The following ST6GALNAC3 variants were observed in gnomAD, a reference collection of about 807,000 sequenced individuals.
The protein encoded by ST6GALNAC3 is alpha-N-acetylgalactosaminide alpha-2,6-sialyltransferase 3.
In ST6GALNAC3, 25 loss-of-function variants were observed where a neutral mutation model predicts 32.7. The ratio of observed to expected loss-of-function variants is 0.76; its 90% CI spans 0.56 to 1.07. ST6GALNAC3 has a LOEUF of 1.07. ST6GALNAC3 is among the 50% of genes least tolerant of loss of function. The pLI, the probability that ST6GALNAC3 is intolerant of heterozygous loss-of-function variation, is 0.00. For synonymous variants in ST6GALNAC3, 129 were observed against 133.1 expected, an observed-to-expected ratio of 0.97 and a Z score of 0.21; for missense variants, 355 against 382.4, an observed-to-expected ratio of 0.93 and a Z score of 0.60.
At position 76,222,189 on chromosome 1, in the gene ST6GALNAC3, G is replaced by A. The variant is rs2631788; in HGVS notation, c.19-91616G>A. Among the ~76,000 whole-genome samples the A allele has an allele frequency of 8.4e-3, 1,278 of 152,192 alleles. 21 individuals carry two copies. The highest frequency in any genetic ancestry group is 0.029 in the African/African-American group (1,222 of 41,524). ...CTCCCTATTTAATAAATAGTGCTGG[G>A]ATAACTGGCTAGCCATAAGCAGAAT... On this transcript the variant is annotated intron_variant, in intron 1 of 4. Coordinates refer to ENST00000328299, the MANE Select transcript of ST6GALNAC3 (RefSeq NM_152996.4).
intron 1 of ST6GALNAC3, among the ~76,000 whole-genome samples, chr1:76,207,499 T>C (rs1454905619): frequency 6.6e-6 from 1 of 152,240 alleles, no homozygotes; most frequent in East Asian, 1.9e-4. Context: ...TTCTGGAGAC[T>C]TGGAGGTCTA....
At chr1:76,598,490 C>T (rs1647173158) in intron 3 of ST6GALNAC3, among the ~76,000 whole-genome samples, 1 of 152,114 alleles carries the variant, frequency 6.6e-6, no homozygotes, top group South Asian at 2.1e-4. Context: ...CAAAATGTTG[C>T]TTACAGATTC....
intron 1 of ST6GALNAC3, among the ~76,000 whole-genome samples, chr1:76,194,762 T>G (rs1654098132): frequency 6.6e-6 from 1 of 152,192 alleles, no homozygotes; most frequent in Non-Finnish European, 1.5e-5. Flanking sequence ...CAGATAATTG[T>G]GGACATTCTG....
At chr1:76,526,788 G>T (rs527773360) in intron 3 of ST6GALNAC3, among the ~76,000 whole-genome samples, 46 of 152,014 alleles carry the variant, frequency 3.0e-4, no homozygotes, top group Non-Finnish European at 4.0e-4. Context: ...CTGTGTTTTT[G>T]AATACTTCCT....
At chr1:76,479,368 G>T (rs1334565861) in intron 3 of ST6GALNAC3, among the ~76,000 whole-genome samples, 1 of 152,164 alleles carries the variant, frequency 6.6e-6, no homozygotes, top group Non-Finnish European at 1.5e-5. Context: ...GTCAACTCCT[G>T]TCTTGGTTCA....
intron 3 of ST6GALNAC3, among the ~76,000 whole-genome samples, chr1:76,472,505 GGTGA>G (rs1305117983): frequency 6.6e-6 from 1 of 152,070 alleles, no homozygotes; most frequent in East Asian, 1.9e-4. Flanking sequence ...TCAGTAGTCT[GGTGA>G]GTGAGATGTG....
chr1:76,192,004 G>T (rs1653923727), intron 1 of ST6GALNAC3, among the ~76,000 whole-genome samples: 1 of 152,160 alleles, frequency 6.6e-6, no homozygotes, highest in African/African-American at 2.4e-5. Flanking sequence ...GTATGGGAAA[G>T]AACAGGTGGG....
intron 3 of ST6GALNAC3, among the ~76,000 whole-genome samples, chr1:76,572,426 T>C (rs1226473453): frequency 6.6e-6 from 1 of 152,054 alleles, no homozygotes; most frequent in African/African-American, 2.4e-5. Flanking sequence ...CTGTGATTGG[T>C]AGTTTTTTGT....
At chr1:76,419,411 T>C (rs1167228400) in intron 3 of ST6GALNAC3, among the ~76,000 whole-genome samples, 4 of 152,146 alleles carry the variant, frequency 2.6e-5, no homozygotes, top group Non-Finnish European at 4.4e-5. Flanking sequence ...AATGGGAAGC[T>C]TCATTAAAAT....
At chr1:76,215,567 G>C (rs977209579) in intron 1 of ST6GALNAC3, among the ~76,000 whole-genome samples, 1 of 152,122 alleles carries the variant, frequency 6.6e-6, no homozygotes, top group African/African-American at 2.4e-5. Flanking sequence ...ATTTCTGTTC[G>C]CTCCACTTTT....
chr1:76,298,202 A>C (rs1660519693), intron 1 of ST6GALNAC3, among the ~76,000 whole-genome samples: 1 of 152,020 alleles, frequency 6.6e-6, no homozygotes, highest in Non-Finnish European at 1.5e-5. Context: ...AGGAAATGAC[A>C]AGCTGGCAAT....
intron 2 of ST6GALNAC3, among the ~76,000 whole-genome samples, chr1:76,320,919 T>C (rs2100921203): frequency 6.6e-6 from 1 of 151,666 alleles, no homozygotes; most frequent in South Asian, 2.1e-4. Flanking sequence ...TACATTAAAA[T>C]GGTATGTAAA....
At chr1:76,321,411 C>G (rs1431714297) in intron 2 of ST6GALNAC3, among the ~76,000 whole-genome samples, 1 of 152,260 alleles carries the variant, frequency 6.6e-6, no homozygotes, top group East Asian at 1.9e-4. Context: ...CCCCTCCCAT[C>G]CCCCATGGTT....
At chr1:76,098,182 T>C (rs1373386318) in intron 1 of ST6GALNAC3, among the ~76,000 whole-genome samples, 3 of 152,198 alleles carry the variant, frequency 2.0e-5, no homozygotes, top group African/African-American at 7.2e-5. Flanking sequence ...CACTTGCGTT[T>C]CTATGGACGG....
intron 1 of ST6GALNAC3, among the ~76,000 whole-genome samples, chr1:76,259,941 G>T (rs1415852376): frequency 2.6e-5 from 4 of 152,046 alleles, no homozygotes; most frequent in African/African-American, 9.7e-5. Context: ...AATGGAGACT[G>T]GTCCCTCTGT....
chr1:76,204,291 A>G (rs958425639), intron 1 of ST6GALNAC3, among the ~76,000 whole-genome samples: 5 of 152,146 alleles, frequency 3.3e-5, no homozygotes, highest in Admixed American at 2.0e-4. Context: ...TTATCCATTG[A>G]TGGGCACTTA....
intron 1 of ST6GALNAC3, among the ~76,000 whole-genome samples, chr1:76,197,069 T>C (rs752178121): frequency 6.6e-6 from 1 of 152,196 alleles, no homozygotes; most frequent in Non-Finnish European, 1.5e-5. Context: ...TCCAAAAACT[T>C]GTCTGATTTG....
At chr1:76,134,071 T>G (rs566849794) in intron 1 of ST6GALNAC3, among the ~76,000 whole-genome samples, 25 of 152,242 alleles carry the variant, frequency 1.6e-4, no homozygotes, top group South Asian at 4.1e-4. Context: ...CAGAGAAATA[T>G]TTATCCAAAT....
chr1:76,367,409 G>T (rs1650460063), intron 2 of ST6GALNAC3, among the ~76,000 whole-genome samples: 1 of 152,064 alleles, frequency 6.6e-6, no homozygotes, highest in African/African-American at 2.4e-5. Context: ...ACAGGAAGTA[G>T]TGATCTATTT....
Sources: gnomAD v4.1 joint callset for allele counts (sites outside exome capture counted in the v4.1 genomes callset) on GRCh38, gnomAD v4.1.1 for gene constraint, MANE v1.5 for transcripts, NCBI Gene and HGNC (gene_info 2026-07-23, HGNC 2026-07-21) for gene names.